Variants in DPYSL5 observed in about 807,000 individuals in gnomAD.
DPYSL5 encodes dihydropyrimidinase like 5, also known as dihydropyrimidinase-related protein 5.
DPYSL5 carries 9 observed loss-of-function variants against 58.4 expected under a neutral mutation model. The ratio of observed to expected loss-of-function variants is 0.15; its 90% CI spans 0.09 to 0.27. DPYSL5 has a LOEUF of 0.27. Among genes scored for constraint, DPYSL5 ranks in the 10% least tolerant of loss-of-function variants. DPYSL5 has a pLI of 1.00. For missense variants in DPYSL5, 499 were observed against 770.6 expected (o/e 0.65, Z 4.17); for synonymous variants, 293 against 301.9 (o/e 0.97, Z 0.31).
At chr2:26,887,794 A>C (rs991309546) in intron 1 of DPYSL5, among the ~76,000 whole-genome samples, 3 of 152,154 alleles carry the variant, frequency 2.0e-5, no homozygotes, top group Admixed American at 6.5e-5. Context: ...TCCCCTCCCC[A>C]CCATCCCACT....
At position 26,873,968 on chromosome 2, in the gene DPYSL5, G is replaced by T. The variant is rs1228976998; in HGVS notation, c.-4-24528G>T. Among the ~76,000 whole-genome samples, 3 of 152,098 alleles carry T rather than the reference G, an allele frequency of 2.0e-5. No individual in the cohort carries two copies. In the East Asian group the frequency reaches 5.8e-4, roughly 29 times the overall value. On this transcript the variant is annotated intron_variant, in intron 1 of 12. Transcript: ENST00000288699. ...TACACCATTCTACTGGGCATAGAGT[G>T]GTATTTCATTGTGGTTTTAATTTGC...
At chr2:26,895,775 CTTTTTTT>C (rs869030530) in intron 1 of DPYSL5, among the ~76,000 whole-genome samples, 5 of 101,086 alleles carry the variant, frequency 4.9e-5, no homozygotes, top group Admixed American at 2.3e-4. Context: ...ATTTCTTTTT[CTTTTTTT>C]TTTTTTTTTT....
intron 2 of DPYSL5, among the ~76,000 whole-genome samples, chr2:26,899,589 C>T (rs898144731): frequency 1.3e-5 from 2 of 152,236 alleles, no homozygotes; most frequent in Admixed American, 6.5e-5. Context: ...GTAGCTGTCC[C>T]GTAAGTGTGC....
Position 26,944,679 on chromosome 2 carries a change from C to T in DPYSL5, c.1464C>T (p.Asp488=). The part of the protein sequence containing the change: ...REKTLKVRGV[D]RTPYLGDVAV... ...AGACTTTAAAGGTTAGAGGAGTGGA[C>T]CGCACTCCCTACCTGGGGGATGTCG... Residue 488 remains aspartate (D), a synonymous_variant, in exon 12 of 13, where the codon GAC becomes GAT. Coordinates refer to ENST00000288699, the MANE Select transcript of DPYSL5 (RefSeq NM_020134.4). This position sits in a 1 kb window ranked among gnomAD's most constrained non-coding sequence, Gnocchi z 4.4. The T allele has an allele frequency of 6.2e-7, 1 of 1,614,026 alleles. No homozygotes were observed. Among genetic ancestry groups the T allele is most frequent in the Non-Finnish European group, 8.5e-7 (1 of 1,179,956 alleles).
In DPYSL5 at chr2:26,928,168, G is replaced by A. The variant is rs564946219; in HGVS notation, c.601-87G>A. 6 of 1,361,668 alleles carry A rather than the reference G, an allele frequency of 4.4e-6. 1 individual carries two copies. Among genetic ancestry groups the A allele is most frequent in the Non-Finnish European group, 3.1e-6 (3 of 960,786 alleles). The allele number at this position is 1,361,668 out of a possible 1,614,324, so 84.3% of individuals were successfully genotyped here. On this transcript the variant is annotated intron_variant, in intron 4 of 12. Transcript: ENST00000288699. ...AGCCTATTGAAACAGGCGGTGTCTAGCATATTTCACTGTCCCTTGGGTTCA... is the reference window on the plus strand; with the variant it reads ...AGCCTATTGAAACAGGCGGTGTCTAACATATTTCACTGTCCCTTGGGTTCA...
intron 2 of DPYSL5, among the ~76,000 whole-genome samples, chr2:26,903,002 G>A (rs532971370): frequency 3.9e-5 from 6 of 151,944 alleles, no homozygotes; most frequent in Non-Finnish European, 5.9e-5. Flanking sequence ...CTGTAAAAAT[G>A]GGCAACCAGC....
Position 26,849,900 on chromosome 2 carries a change from G to A in DPYSL5, c.-5+1646G>A, listed in dbSNP as rs770229906. Among the ~76,000 whole-genome samples, 1 of 152,200 alleles carries A rather than the reference G, an allele frequency of 6.6e-6. No homozygotes were observed. The highest frequency in any genetic ancestry group is 1.5e-5 in the Non-Finnish European group (1 of 68,026). Reference sequence around the variant, plus strand: ...CGGCTCGGGTGCCTTCTGGTGCAGCGCCGCCGCCCGCCCCGCGCTGTCCAC... The same window carrying A: ...CGGCTCGGGTGCCTTCTGGTGCAGCACCGCCGCCCGCCCCGCGCTGTCCAC... On this transcript the variant is annotated intron_variant, in intron 1 of 12. Coordinates refer to ENST00000288699, the MANE Select transcript of DPYSL5 (RefSeq NM_020134.4). The surrounding 1 kb of genome is among the most constrained non-coding windows in gnomAD (Gnocchi z 6.2).
At chr2:26,853,136 G>A (rs550770826) in intron 1 of DPYSL5, among the ~76,000 whole-genome samples, 5 of 152,280 alleles carry the variant, frequency 3.3e-5, no homozygotes, top group Non-Finnish European at 5.9e-5. Context: ...GCTGTTTTTA[G>A]CAGCTGAGAA....
chr2:26,919,819 G>T, intron 2 of DPYSL5, among the ~76,000 whole-genome samples: 1 of 152,204 alleles, frequency 6.6e-6, no homozygotes, highest in South Asian at 2.1e-4. Context: ...GCTCATATGC[G>T]TTCAAGAATG....
At chr2:26,887,487 A>C (rs1167294817) in intron 1 of DPYSL5, among the ~76,000 whole-genome samples, 1 of 152,164 alleles carries the variant, frequency 6.6e-6, no homozygotes, top group East Asian at 1.9e-4. Flanking sequence ...CAATTCCAAA[A>C]CACAGTGTTG....
Position 26,940,456 on chromosome 2 carries a change from C to T in DPYSL5, c.1089+284C>T, listed in dbSNP as rs1268649639. 4.7e-5 allele frequency among the ~76,000 whole-genome samples: 7 copies of T among 149,176 alleles called. No homozygotes were observed. The East Asian group carries it at 5.9e-4, about 13-fold the overall frequency. ...CGCCTAGAAATTAAACTACTATTAA[C>T]ATTTTAATATATTTCTTTCATTTAG... On this transcript the variant is annotated intron_variant, in intron 9 of 12. Transcript: ENST00000288699.
intron 1 of DPYSL5, among the ~76,000 whole-genome samples, chr2:26,892,756 T>TGAGAGAGAGAGAGAGAGAGAGAGAGA (rs144430871): frequency 1.4e-4 from 20 of 138,826 alleles, no homozygotes; most frequent in Admixed American, 2.9e-4. Context: ...TGGGTTTGTT[T>TGAGAGAGAGAGAGAGAGAGAGAGAGA]GAGAGAGAGA....
At chr2:26,853,367 G>A (rs1170803444) in intron 1 of DPYSL5, among the ~76,000 whole-genome samples, 1 of 152,154 alleles carries the variant, frequency 6.6e-6, no homozygotes, top group Non-Finnish European at 1.5e-5. Flanking sequence ...TGTGCAACTT[G>A]GAACCACAGT....
chr2:26,908,688 T>A (rs1037121420), intron 2 of DPYSL5, among the ~76,000 whole-genome samples: 2 of 152,230 alleles, frequency 1.3e-5, no homozygotes, highest in Non-Finnish European at 2.9e-5. Context: ...TGATTCAGAA[T>A]AAAATAAATA....
chr2:26,929,821 C>T (rs187047344), intron 5 of DPYSL5, among the ~76,000 whole-genome samples: 1 of 152,382 alleles, frequency 6.6e-6, no homozygotes, highest in Non-Finnish European at 1.5e-5. Flanking sequence ...AAATCCCCTA[C>T]AGTCCCCCTG....
At chr2:26,932,137 GAGAAAGAAAGAAAGAAAGAA>G (rs531719106) in intron 6 of DPYSL5, among the ~76,000 whole-genome samples, 11 of 59,706 alleles carry the variant, frequency 1.8e-4, no homozygotes, top group African/African-American at 7.3e-4. Flanking sequence ...AAGAAAGAAA[GAGAAAGAAAGAAAGAAAGAA>G]AGAAAGAAAG....
intron 1 of DPYSL5, among the ~76,000 whole-genome samples, chr2:26,865,755 G>A (rs1371449073): frequency 6.6e-6 from 1 of 152,196 alleles, no homozygotes; most frequent in East Asian, 1.9e-4. Flanking sequence ...GATAGCTCAT[G>A]GCTTTTTTGT....
intron 11 of DPYSL5, among the ~76,000 whole-genome samples, chr2:26,943,628 C>T (rs1328807017): frequency 6.6e-6 from 1 of 152,196 alleles, no homozygotes; most frequent in Non-Finnish European, 1.5e-5. Flanking sequence ...GCTCGTACTT[C>T]TGTGTTGCCT....
rs1558351559 is a variant in DPYSL5, at chr2:26,932,185, A to AAGAAAGAAAGAAAGAAAGAC, written c.714+520_714+521insCAGAAAGAAAGAAAGAAAGA. On this transcript the variant is annotated intron_variant, in intron 6 of 12. Coordinates refer to ENST00000288699, the MANE Select transcript of DPYSL5 (RefSeq NM_020134.4). ...AAAGAAAGAAAGAAAGAAAGAAAGA[A>AAGAAAGAAAGAAAGAAAGAC]AGAAAGAAAGAAAGAAAGAAAGAAA... Among the ~76,000 whole-genome samples the AAGAAAGAAAGAAAGAAAGAC allele has an allele frequency of 7.6e-3, 533 of 70,342 alleles. 8 individuals are homozygous for AAGAAAGAAAGAAAGAAAGAC. The highest frequency in any genetic ancestry group is 0.012 in the Non-Finnish European group (371 of 32,200). 46.1% of individuals were successfully genotyped at this position (70,342 alleles called of 152,430 possible). A position where few individuals can be genotyped will look rare whatever the true frequency, so the allele number is the denominator to read the frequency against.
Sources: gnomAD v4.1 joint callset for allele counts (sites outside exome capture counted in the v4.1 genomes callset) on GRCh38, gnomAD v4.1.1 for gene constraint, Gnocchi (gnomAD v3.1) non-coding constraint, MANE v1.5 for transcripts, NCBI Gene and HGNC (gene_info 2026-07-23, HGNC 2026-07-21) for gene names.